STPG2: variants seen among roughly 807,000 people sequenced by gnomAD.
STPG2 encodes sperm-tail PG-rich repeat-containing protein 2.
Under a neutral mutation model 54.2 loss-of-function variants are expected in STPG2, and 56 were observed. The ratio of observed to expected loss-of-function variants is 1.03; its 90% CI spans 0.83 to 1.29. The LOEUF (loss-of-function observed/expected upper bound fraction) is 1.29, where lower values mean the gene tolerates loss of function less well. Ranked by LOEUF, STPG2 falls within the 50% of genes most tolerant of loss-of-function variation. STPG2 has a pLI of 0.00. For synonymous variants in STPG2, 200 were observed against 181.8 expected, an observed-to-expected ratio of 1.10 and a Z score of -0.81; for missense variants, 596 against 544.9, an observed-to-expected ratio of 1.09 and a Z score of -0.93.
At chr4:98,082,080 T>C (rs558669865) in intron 5 of STPG2, among the ~76,000 whole-genome samples, 65 of 152,300 alleles carry the variant, frequency 4.3e-4, no homozygotes, top group Admixed American at 1.1e-3. Flanking sequence ...CTTACCAATA[T>C]ACTTCCAACC....
rs115584969 is a variant in STPG2 at position 98,093,507 on chromosome 4, C to T, written c.612+12446G>A. Among the ~76,000 whole-genome samples the T allele has an allele frequency of 1.7e-3, 260 of 152,160 alleles. 1 individual carries two copies. The highest frequency in any genetic ancestry group is 6.1e-3 in the African/African-American group (255 of 41,500). ...GGGATAAAGATGATGGAATAGAAGC[C>T]TACACCATTCATCTCTCCTGCTGGA... On this transcript the variant is annotated intron_variant, in intron 5 of 10. Coordinates refer to ENST00000295268, the MANE Select transcript of STPG2 (RefSeq NM_174952.3).
At chr4:97,964,033 A>C (rs1404764243) in intron 7 of STPG2, among the ~76,000 whole-genome samples, 2 of 152,194 alleles carry the variant, frequency 1.3e-5, no homozygotes, top group East Asian at 3.8e-4. Flanking sequence ...TCTGTAAGTT[A>C]ATGATATGTG....
intron 5 of STPG2, among the ~76,000 whole-genome samples, chr4:98,023,529 G>A (rs751140282): frequency 1.5e-4 from 23 of 152,158 alleles, no homozygotes; most frequent in African/African-American, 3.9e-4. Flanking sequence ...CTCCAGCTGC[G>A]TGCTGGGGGA....
chr4:97,566,014 G>C (rs1218905019), intron 10 of STPG2, among the ~76,000 whole-genome samples: 1 of 152,200 alleles, frequency 6.6e-6, no homozygotes, highest in Non-Finnish European at 1.5e-5. Flanking sequence ...CAGTCTTTTT[G>C]TTTGTCTGTG....
At chr4:97,493,536 A>G (rs1395700213) in intron 4 of STPG2, among the ~76,000 whole-genome samples, 1 of 151,512 alleles carries the variant, frequency 6.6e-6, no homozygotes, top group East Asian at 1.9e-4. Context: ...TTATAGAAAA[A>G]AAAAGGGATA....
intron 4 of STPG2, among the ~76,000 whole-genome samples, chr4:97,541,865 C>T (rs964559582): frequency 6.6e-6 from 1 of 152,112 alleles, no homozygotes; most frequent in Admixed American, 6.6e-5. Flanking sequence ...AAACAAGAAA[C>T]GGGGAAAGGA....
At chr4:97,778,476 T>C (rs1726462720) in intron 9 of STPG2, among the ~76,000 whole-genome samples, 1 of 152,186 alleles carries the variant, frequency 6.6e-6, no homozygotes, top group Middle Eastern at 3.2e-3. Flanking sequence ...CAAGGAGGAC[T>C]GCCTGCCTCT....
intron 4 of STPG2, among the ~76,000 whole-genome samples, chr4:97,542,238 T>C (rs1016088227): frequency 7.4e-4 from 112 of 152,242 alleles, no homozygotes; most frequent in African/African-American, 2.6e-3. Flanking sequence ...AGGGCTAATA[T>C]CCAGAATCTA....
At chr4:97,738,776 C>A (rs949522123) in intron 9 of STPG2, among the ~76,000 whole-genome samples, 1 of 152,072 alleles carries the variant, frequency 6.6e-6, no homozygotes, top group African/African-American at 2.4e-5. Flanking sequence ...GACTTTAACA[C>A]CCCACTGTCA....
At chr4:97,467,776 A>G (rs1459897018) in intron 4 of STPG2, among the ~76,000 whole-genome samples, 1 of 151,818 alleles carries the variant, frequency 6.6e-6, no homozygotes, top group Non-Finnish European at 1.5e-5. Context: ...GAACACTACC[A>G]GGTACTCTAT....
chr4:97,535,515 C>A (rs1373818300), intron 4 of STPG2, among the ~76,000 whole-genome samples: 2 of 152,178 alleles, frequency 1.3e-5, no homozygotes, highest in East Asian at 3.9e-4. Flanking sequence ...GGTATTATCC[C>A]CCTATATAGA....
chr4:97,893,832 C>T (rs1730856901), intron 8 of STPG2, among the ~76,000 whole-genome samples: 1 of 151,962 alleles, frequency 6.6e-6, no homozygotes, highest in Non-Finnish European at 1.5e-5. Context: ...TTGAGGGAGA[C>T]AGGTGGCAAT....
At chr4:97,736,320 C>T (rs1287378502) in intron 9 of STPG2, among the ~76,000 whole-genome samples, 2 of 152,142 alleles carry the variant, frequency 1.3e-5, no homozygotes, top group Non-Finnish European at 1.5e-5. Flanking sequence ...ATCTGAGGTA[C>T]CAGGTTCATC....
At chr4:98,134,786 C>T (rs1449498795) in intron 1 of STPG2, among the ~76,000 whole-genome samples, 1 of 151,238 alleles carries the variant, frequency 6.6e-6, no homozygotes, top group Admixed American at 6.6e-5. Flanking sequence ...ACATTTTCAT[C>T]CTCAGAAGAC....
At chr4:97,951,980 A>G (rs1733490235) in intron 7 of STPG2, among the ~76,000 whole-genome samples, 1 of 151,974 alleles carries the variant, frequency 6.6e-6, no homozygotes, top group Admixed American at 6.6e-5. Flanking sequence ...GGTGGGAGCT[A>G]CCTCCGCCCC....
intron 4 of STPG2, among the ~76,000 whole-genome samples, chr4:97,474,668 C>T (rs1343073200): frequency 6.6e-6 from 1 of 152,130 alleles, no homozygotes; most frequent in African/African-American, 2.4e-5. Flanking sequence ...AATGTCATTA[C>T]TTTCTTTTTA....
At chr4:98,110,479 A>G (rs917290819) in intron 3 of STPG2, among the ~76,000 whole-genome samples, 1 of 152,128 alleles carries the variant, frequency 6.6e-6, no homozygotes, top group Non-Finnish European at 1.5e-5. Context: ...CACACTGCAC[A>G]CGTGGCCCCT....
At chr4:97,465,644 T>C (rs1263823910) in intron 4 of STPG2, among the ~76,000 whole-genome samples, 2 of 152,122 alleles carry the variant, frequency 1.3e-5, no homozygotes, top group Non-Finnish European at 1.5e-5. Flanking sequence ...GTTCCTGATA[T>C]AAAATGGCAT....
intron 8 of STPG2, among the ~76,000 whole-genome samples, chr4:97,871,112 A>G (rs910842174): frequency 6.6e-5 from 10 of 151,044 alleles, no homozygotes; most frequent in Non-Finnish European, 1.3e-4. Flanking sequence ...ATTTCTGAAA[A>G]CAATAATGAT....
Sources: allele counts gnomAD v4.1 joint callset (sites outside exome capture counted in the v4.1 genomes callset), GRCh38; gene constraint gnomAD v4.1.1; transcripts MANE v1.5; gene names NCBI Gene and HGNC (gene_info 2026-07-23, HGNC 2026-07-21).